The following DMXL1 variants were observed in gnomAD, a reference collection of about 807,000 sequenced individuals.
DMXL1 encodes Dmx like 1, also known as dmX-like protein 1.
In DMXL1, 99 loss-of-function variants were observed where a neutral mutation model predicts 319.2. That is an observed-to-expected ratio of 0.31 (90% CI 0.26 to 0.37). The LOEUF (loss-of-function observed/expected upper bound fraction) is 0.37. Among genes scored for constraint, DMXL1 ranks in the 10% least tolerant of loss-of-function variants. The pLI, the probability that DMXL1 is intolerant of heterozygous loss-of-function variation, is 1.00. For synonymous variants in DMXL1, 1,385 were observed against 1,235.2 expected, an observed-to-expected ratio of 1.12 and a Z score of -2.54; for missense variants, 3,745 against 3,595.6, an observed-to-expected ratio of 1.04 and a Z score of -1.06.
At chr5:119,143,067 G>A (rs1767768928) in intron 13 of DMXL1, among the ~76,000 whole-genome samples, 2 of 151,958 alleles carry the variant, frequency 1.3e-5, no homozygotes, top group Admixed American at 1.3e-4. Flanking sequence ...AGACACTGGG[G>A]ACTTCTTCAT....
chr5:119,082,925 T>C (rs1159567800), intron 1 of DMXL1, among the ~76,000 whole-genome samples: 3 of 152,222 alleles, frequency 2.0e-5, no homozygotes, highest in African/African-American at 2.4e-5. Flanking sequence ...GATCCACTTT[T>C]GTAGCTCCCA....
In DMXL1 at chr5:119,100,538, A is replaced by G. The variant is rs555090980; in HGVS notation, c.214-1397A>G. 3 of 152,076 alleles carry G rather than the reference A, an allele frequency of 2.0e-5. No homozygotes were observed. The East Asian group carries it at 5.8e-4, about 29-fold the overall frequency. 9.4% of individuals were successfully genotyped at this position (152,076 alleles called of 1,614,324 possible). Reference sequence around the variant, plus strand: ...TACCACCTAATTCATTTTTCTGAGAAAATTAATCCTCATTTATCCTTTTAT... The same window carrying G: ...TACCACCTAATTCATTTTTCTGAGAGAATTAATCCTCATTTATCCTTTTAT... On this transcript the variant is annotated intron_variant, in intron 2 of 43. Transcript: ENST00000539542.
chr5:119,182,092 C>T (rs1435361398), intron 28 of DMXL1, among the ~76,000 whole-genome samples: 4 of 152,050 alleles, frequency 2.6e-5, no homozygotes, highest in Admixed American at 2.6e-4. Flanking sequence ...GGTAAGCAGT[C>T]CTGTGTGTTT....
rs555326964 is a variant in DMXL1 at position 119,171,644 on chromosome 5, TTCTAAC to T, written c.6490-128_6490-123del. 3.1e-4 allele frequency: 214 copies of T among 695,662 alleles called. 5 individuals are homozygous for T. In the South Asian group the frequency reaches 5.0e-3, roughly 16 times the overall value. 43.1% of individuals were successfully genotyped at this position (695,662 alleles called of 1,614,324 possible). Reference sequence around the variant, plus strand: ...TGAAATGCTGACTTCTTCACATCCCTTCTAACTCTAAGTTTCTATTATGCTTTTATT... The same window carrying T: ...TGAAATGCTGACTTCTTCACATCCCTTCTAAGTTTCTATTATGCTTTTATT... On this transcript the variant is annotated intron_variant, in intron 24 of 43. Coordinates refer to ENST00000539542, the MANE Select transcript of DMXL1 (RefSeq NM_001290321.3).
intron 8 of DMXL1, 148 bp from the exon 9 acceptor site, chr5:119,120,823 A>G (rs1178877756): frequency 1.9e-6 from 1 of 518,176 alleles, no homozygotes; most frequent in Non-Finnish European, 3.1e-6. Context: ...AGGTGTTTTT[A>G]CATATAAAAT....
At chr5:119,163,447 T>C (rs1033217945) in intron 19 of DMXL1, among the ~76,000 whole-genome samples, 1 of 152,224 alleles carries the variant, frequency 6.6e-6, no homozygotes, top group African/African-American at 2.4e-5. Context: ...GACAGAGCCT[T>C]ACTCTGTTGC....
intron 4 of DMXL1, 31 bp downstream of exon 4, chr5:119,105,289 A>T (rs749815015): frequency 6.6e-7 from 1 of 1,514,674 alleles, no homozygotes; most frequent in South Asian, 1.1e-5. Flanking sequence ...AACTAAAATG[A>T]AATATCACTT....
At chr5:119,199,746 T>G (rs1047620144) in intron 32 of DMXL1, among the ~76,000 whole-genome samples, 1 of 152,236 alleles carries the variant, frequency 6.6e-6, no homozygotes, top group East Asian at 1.9e-4. Flanking sequence ...TTATAAATAA[T>G]CTGTTATTTT....
chr5:119,138,931 A>G (rs982492488), intron 13 of DMXL1: 7 of 152,252 alleles, frequency 4.6e-5, no homozygotes, highest in African/African-American at 1.2e-4. Context: ...CTGTGCAAGG[A>G]TGACATGCAA....
chr5:119,150,177 A>C lies in DMXL1; in HGVS notation c.4350A>C (p.Gln1450His). The C allele has an allele frequency of 6.2e-7, 1 of 1,613,820 alleles. No homozygotes were observed. Among genetic ancestry groups the C allele is most frequent in the Non-Finnish European group, 8.5e-7 (1 of 1,179,862 alleles). Reference protein sequence around the residue: ...KESYDELFQTQLLMTDTHMLE... With the variant: ...KESYDELFQTHLLMTDTHMLE... ...GTTATGATGAGCTTTTTCAGACTCA[A>C]CTTCTAATGACTGATACTCATATGT... The change falls in exon 18 of 44, where the codon CAA (glutamine) becomes CAC (histidine). Residue 1450 changes from glutamine to histidine, a missense_variant. Around this residue, in one of 4 missense-constraint regions of DMXL1, gnomAD observed 2,096 missense variants for 1,985.4 expected, o/e 1.06. Transcript: ENST00000539542.
At chr5:119,092,300 T>C (rs913597428) in intron 1 of DMXL1, among the ~76,000 whole-genome samples, 1 of 152,062 alleles carries the variant, frequency 6.6e-6, no homozygotes, top group Non-Finnish European at 1.5e-5. Flanking sequence ...TTTTCTTTTT[T>C]TTTCACATAG....
chr5:119,073,940 C>T (rs1471750183), intron 1 of DMXL1, among the ~76,000 whole-genome samples: 1 of 149,062 alleles, frequency 6.7e-6, no homozygotes, highest in African/African-American at 2.5e-5. Context: ...TTTTTTGAGA[C>T]GGAGTTTCGC....
Position 119,232,030 on chromosome 5 carries a change from G to A in DMXL1, c.8339-1310G>A, listed in dbSNP as rs1470042197. ...ATGTTGCCCAGGCAGGAGTTTTATG[G>A]CTACTTACAGCACAATCAAGGCACA... On this transcript the variant is annotated intron_variant, in intron 38 of 43. Transcript: ENST00000539542. 4.6e-5 allele frequency among the ~76,000 whole-genome samples: 7 copies of A among 151,972 alleles called. 1 individual carries two copies. The highest frequency in any genetic ancestry group is 7.3e-5 in the African/African-American group (3 of 41,352).
intron 43 of DMXL1, 55 bp downstream of exon 43, chr5:119,244,631 C>G: frequency 1.5e-6 from 2 of 1,361,646 alleles, no homozygotes; most frequent in Non-Finnish European, 2.1e-6. Flanking sequence ...GAAACCTTAG[C>G]TCTTTAATCG....
chr5:119,212,584 T>TA (rs1372492317), intron 34 of DMXL1, among the ~76,000 whole-genome samples: 1 of 152,220 alleles, frequency 6.6e-6, no homozygotes, highest in Non-Finnish European at 1.5e-5. Flanking sequence ...TGCTAGATCA[T>TA]ATAGCAATTC....
rs1258961248 is a variant in DMXL1, at chr5:119,071,342, C to T, written c.-228C>T. 7.5e-6 allele frequency: 4 copies of T among 530,012 alleles called. No homozygotes were observed. Among genetic ancestry groups the T allele is most frequent in the Admixed American group, 7.4e-5 (2 of 27,136 alleles). 32.8% of individuals were successfully genotyped at this position (530,012 alleles called of 1,614,324 possible). On this transcript the variant is annotated 5_prime_UTR_variant, in exon 1 of 44. Coordinates refer to ENST00000539542, the MANE Select transcript of DMXL1 (RefSeq NM_001290321.3). Reference sequence around the variant, plus strand: ...GGGGAGTGACAGGTGCGCGAAGGAGCGCGGCGCTCCGCCCTCTCGCCGACC... The same window carrying T: ...GGGGAGTGACAGGTGCGCGAAGGAGTGCGGCGCTCCGCCCTCTCGCCGACC...
chr5:119,205,592 T>G (rs944870705), intron 33 of DMXL1, among the ~76,000 whole-genome samples: 6 of 152,056 alleles, frequency 3.9e-5, no homozygotes, highest in African/African-American at 1.4e-4. Flanking sequence ...ATAAATAGAT[T>G]TAACTTATTT....
chr5:119,150,021 A>G lies in DMXL1; in HGVS notation c.4194A>G (p.Thr1398=), dbSNP rs140753662. The stretch of plus-strand genomic sequence containing the variant: ...ACAAGGCTGAAAATACAGATTACAC[A>G]GAAATAGATTCTGTTCCTCCACTTC... ...AFNKAENTDY[T]EIDSVPPLPL... is the part of the protein sequence containing the mutation. Residue 1398 remains threonine, a synonymous_variant, in exon 18 of 44, where the codon ACA becomes ACG. Transcript: ENST00000539542. 1,888 of 1,613,980 alleles carry G rather than the reference A, an allele frequency of 1.2e-3. 40 individuals carry two copies. In the Admixed American group the frequency reaches 0.03, roughly 26 times the overall value.
At chr5:119,186,820 G>A (rs1305429571) in intron 28 of DMXL1, among the ~76,000 whole-genome samples, 1 of 151,184 alleles carries the variant, frequency 6.6e-6, no homozygotes, top group Non-Finnish European at 1.5e-5. Flanking sequence ...GGAAAGGATT[G>A]TTAAGGGAAG....
Sources: allele counts gnomAD v4.1 joint callset (sites outside exome capture counted in the v4.1 genomes callset), GRCh38; gene constraint gnomAD v4.1.1; regional missense constraint gnomAD v4.1.1; transcripts MANE v1.5; gene names NCBI Gene and HGNC (gene_info 2026-07-23, HGNC 2026-07-21).